ATXN7L1: variants seen among roughly 807,000 people sequenced by gnomAD.
The protein encoded by ATXN7L1 is ataxin 7 like 1, also known as ataxin-7-like protein 1.
A neutral mutation model predicts 70.8 loss-of-function variants in ATXN7L1; 15 were observed. The ratio of observed to expected loss-of-function variants is 0.21; its 90% confidence interval spans 0.14 to 0.33. ATXN7L1 has a LOEUF of 0.33. ATXN7L1 is among the 10% of genes least tolerant of loss of function. The pLI is 1.00. For missense variants in ATXN7L1, 975 were observed against 1,097.1 expected (o/e 0.89, Z 1.57); for synonymous variants, 440 against 445.1 (o/e 0.99, Z 0.14).
intron 3 of ATXN7L1, among the ~76,000 whole-genome samples, chr7:105,757,693 C>T (rs903196539): frequency 4.0e-5 from 6 of 151,694 alleles, no homozygotes; most frequent in African/African-American, 1.5e-4. Context: ...AGCGATCCTC[C>T]CACCTCAGCC....
chr7:105,807,083 T>C (rs572565462), intron 2 of ATXN7L1, among the ~76,000 whole-genome samples: 1 of 152,332 alleles, frequency 6.6e-6, no homozygotes, highest in African/African-American at 2.4e-5. Context: ...TGTGCATGGA[T>C]GACCACCTGT....
At chr7:105,764,717 A>C (rs1801014588) in intron 3 of ATXN7L1, among the ~76,000 whole-genome samples, 1 of 152,214 alleles carries the variant, frequency 6.6e-6, no homozygotes, top group Admixed American at 6.5e-5. Context: ...AGAATGCAGG[A>C]ATCTGAAGAC....
At chr7:105,637,859 A>G (rs1797616240) in intron 7 of ATXN7L1, among the ~76,000 whole-genome samples, 2 of 152,174 alleles carry the variant, frequency 1.3e-5, no homozygotes, top group Admixed American at 1.3e-4. Flanking sequence ...GAGAGCGTGC[A>G]AAACAAATAT....
intron 3 of ATXN7L1, among the ~76,000 whole-genome samples, chr7:105,757,380 G>C (rs1304852028): frequency 6.6e-6 from 1 of 152,088 alleles, no homozygotes; most frequent in African/African-American, 2.4e-5. Flanking sequence ...GCAAGATTAG[G>C]TTCTTGCTTT....
rs28578621 is a variant in ATXN7L1 at position 105,662,106 on chromosome 7, C to T, written c.578+2960G>A. On this transcript the variant is annotated intron_variant, in intron 4 of 11. Transcript: ENST00000419735. ...TCTTTCTTTTCTTTTCTTTTCTTTT[C>T]TTTTTTTTTTTTTTAAGCCAGAGTC... Among the ~76,000 whole-genome samples the T allele has an allele frequency of 9.7e-3, 724 of 74,278 alleles. 2 individuals are homozygous for T. The highest frequency in any genetic ancestry group is 0.013 in the Middle Eastern group (2 of 154). The allele number at this position is 74,278 out of a possible 152,430, so 48.7% of individuals were successfully genotyped here. A position where few individuals can be genotyped will look rare whatever the true frequency, so the allele number is the denominator to read the frequency against.
chr7:105,846,169 A>G (rs771831648), intron 2 of ATXN7L1, among the ~76,000 whole-genome samples: 1 of 152,202 alleles, frequency 6.6e-6, no homozygotes, highest in South Asian at 2.1e-4. Flanking sequence ...ATAATTTCTT[A>G]TACATATCCA....
rs931451653 is a variant in ATXN7L1 at position 105,761,147 on chromosome 7, T to C, written c.355+27457A>G. ...GAATTGATGGCAGCTTAGACCAGCTTTGTGGTGGTGAAAATGAAGAGAAGA... is the reference window on the plus strand; with the variant it reads ...GAATTGATGGCAGCTTAGACCAGCTCTGTGGTGGTGAAAATGAAGAGAAGA... On this transcript the variant is annotated intron_variant, in intron 3 of 11. Transcript: ENST00000419735. 3 of 1,241,908 alleles carry C rather than the reference T, an allele frequency of 2.4e-6. No homozygotes were observed. In the African/African-American group the frequency reaches 4.7e-5, roughly 19 times the overall value. The allele number at this position is 1,241,908 out of a possible 1,614,324, so 76.9% of individuals were successfully genotyped here. A position where few individuals can be genotyped will look rare whatever the true frequency, so the allele number is the denominator to read the frequency against.
chr7:105,828,613 C>T (rs977404972), intron 2 of ATXN7L1, among the ~76,000 whole-genome samples: 2 of 152,184 alleles, frequency 1.3e-5, no homozygotes, highest in African/African-American at 4.8e-5. Context: ...TCTATGCCAA[C>T]TACTGTACTA....
intron 4 of ATXN7L1, among the ~76,000 whole-genome samples, chr7:105,660,650 T>C (rs1454097215): frequency 7.0e-6 from 1 of 143,362 alleles, no homozygotes; most frequent in Non-Finnish European, 1.5e-5. Flanking sequence ...TGGCGCAATG[T>C]TGGCTCACTG....
rs1254331462 is a variant in ATXN7L1 at position 105,607,047 on chromosome 7, C to T, written c.*805G>A. ...GATTCCTGACCAGCTCAGACCACCA[C>T]AGTCTCCAGTTTTTTTAGGGATCAT... is the stretch of plus-strand genomic sequence containing the variant. On this transcript the variant is annotated 3_prime_UTR_variant, in exon 12 of 12. Transcript: ENST00000419735. The T allele has an allele frequency of 6.6e-6, 1 of 152,466 alleles. No individual in the cohort carries two copies. Among genetic ancestry groups the T allele is most frequent in the African/African-American group, 2.4e-5 (1 of 41,438 alleles). 9.4% of individuals were successfully genotyped at this position (152,466 alleles called of 1,614,324 possible). A position where few individuals can be genotyped will look rare whatever the true frequency, so the allele number is the denominator to read the frequency against.
intron 2 of ATXN7L1, among the ~76,000 whole-genome samples, chr7:105,847,309 T>A (rs897555341): frequency 8.5e-5 from 13 of 152,228 alleles, no homozygotes; most frequent in African/African-American, 3.1e-4. Context: ...AAGGACTGGA[T>A]GGATCTAGTT....
intron 2 of ATXN7L1, among the ~76,000 whole-genome samples, chr7:105,827,883 A>G (rs535839679): frequency 1.3e-5 from 2 of 152,342 alleles, no homozygotes; most frequent in African/African-American, 2.4e-5. Flanking sequence ...AGAAACACTA[A>G]TATTTCTGCA....
intron 2 of ATXN7L1, among the ~76,000 whole-genome samples, chr7:105,800,399 T>C (rs1050127547): frequency 2.6e-5 from 4 of 152,144 alleles, no homozygotes; most frequent in Non-Finnish European, 4.4e-5. Flanking sequence ...GGGAGCCTTC[T>C]TCAATTCCCG....
intron 2 of ATXN7L1, among the ~76,000 whole-genome samples, chr7:105,839,583 C>G (rs1388381976): frequency 2.6e-5 from 4 of 152,182 alleles, no homozygotes; most frequent in African/African-American, 7.2e-5. Flanking sequence ...GAGTCTTCTC[C>G]CTTTTCTCCC....
At chr7:105,783,295 C>T (rs897403551) in intron 3 of ATXN7L1, among the ~76,000 whole-genome samples, 1 of 152,324 alleles carries the variant, frequency 6.6e-6, no homozygotes, top group South Asian at 2.1e-4. Flanking sequence ...CAGTTTCTGG[C>T]ACAGAGCTCC....
chr7:105,688,389 A>G (rs1316084062), intron 3 of ATXN7L1, among the ~76,000 whole-genome samples: 3 of 152,108 alleles, frequency 2.0e-5, no homozygotes, highest in African/African-American at 4.8e-5. Flanking sequence ...CTAAAAATAC[A>G]TAACTTAGCT....
intron 2 of ATXN7L1, among the ~76,000 whole-genome samples, chr7:105,865,594 G>C (rs145085614): frequency 1.4e-3 from 213 of 151,984 alleles, no homozygotes; most frequent in African/African-American, 4.9e-3. Context: ...GTAGAGATGG[G>C]GTTTCACCGT....
At chr7:105,869,786 G>A (rs577241273) in intron 2 of ATXN7L1, among the ~76,000 whole-genome samples, 75 of 151,950 alleles carry the variant, frequency 4.9e-4, no homozygotes, top group Middle Eastern at 3.4e-3. Context: ...GACCCAAACA[G>A]GAATCTATTC....
intron 3 of ATXN7L1, among the ~76,000 whole-genome samples, chr7:105,720,091 T>C (rs1795009678): frequency 6.6e-6 from 1 of 152,244 alleles, no homozygotes; most frequent in Admixed American, 6.5e-5. Context: ...AGTGTGCTTC[T>C]TGCTTCTTTA....
Sources: gnomAD v4.1 joint callset for allele counts (sites outside exome capture counted in the v4.1 genomes callset) on GRCh38, gnomAD v4.1.1 for gene constraint, MANE v1.5 for transcripts, NCBI Gene and HGNC (gene_info 2026-07-23, HGNC 2026-07-21) for gene names.